The following CNTNAP2 variants were observed in gnomAD, a reference collection of about 807,000 sequenced individuals.
CNTNAP2 encodes the protein contactin-associated protein-like 2.
Under a neutral mutation model 155.2 loss-of-function variants are expected in CNTNAP2, and 98 were observed. The observed-to-expected ratio is 0.63, with a 90% CI of 0.54 to 0.75. The LOEUF (loss-of-function observed/expected upper bound fraction) is 0.75. Among genes scored for constraint, CNTNAP2 ranks in the 30% least tolerant of loss-of-function variants. CNTNAP2 has a pLI of 0.00. For missense variants in CNTNAP2, 1,727 were observed against 1,688.1 expected, an observed-to-expected ratio of 1.02 and a Z score of -0.40; for synonymous variants, 651 against 631.2, an observed-to-expected ratio of 1.03 and a Z score of -0.47.
intron 11 of CNTNAP2, among the ~76,000 whole-genome samples, chr7:147,503,191 T>C (rs1238863799): frequency 6.6e-6 from 1 of 152,190 alleles, no homozygotes; most frequent in African/African-American, 2.4e-5. Flanking sequence ...TTCTATTGAT[T>C]GCCAGTAATT....
At chr7:147,531,239 G>A (rs1799426124) in intron 11 of CNTNAP2, among the ~76,000 whole-genome samples, 1 of 152,282 alleles carries the variant, frequency 6.6e-6, no homozygotes, top group Admixed American at 6.5e-5. Context: ...GGGTCTGGAG[G>A]ATGGTGGCCC....
intron 13 of CNTNAP2, among the ~76,000 whole-genome samples, chr7:147,850,542 C>T (rs2116667162): frequency 6.6e-6 from 1 of 152,276 alleles, no homozygotes; most frequent in East Asian, 1.9e-4. Flanking sequence ...CTACAGTAAC[C>T]AAAACAGCAT....
chr7:147,101,297 G>A (rs928323623), intron 4 of CNTNAP2, among the ~76,000 whole-genome samples: 3 of 152,138 alleles, frequency 2.0e-5, no homozygotes, highest in East Asian at 1.9e-4. Context: ...GTTTTAAGAC[G>A]GGAGAGTTCC....
chr7:146,831,363 C>G (rs1051966027), intron 2 of CNTNAP2, among the ~76,000 whole-genome samples: 2 of 151,968 alleles, frequency 1.3e-5, no homozygotes, highest in Non-Finnish European at 2.9e-5. Context: ...GGGTTATAAT[C>G]TGAATTCGAA....
chr7:147,259,448 G>C (rs533085585), intron 8 of CNTNAP2, among the ~76,000 whole-genome samples: 4 of 151,842 alleles, frequency 2.6e-5, no homozygotes, highest in African/African-American at 9.7e-5. Context: ...ATATGACAAT[G>C]ACATCAAGAA....
At chr7:148,261,111 T>C (rs900052823) in intron 20 of CNTNAP2, among the ~76,000 whole-genome samples, 3 of 152,232 alleles carry the variant, frequency 2.0e-5, no homozygotes, top group Non-Finnish European at 4.4e-5. Context: ...AAGTTTCATC[T>C]CCTGCTTTCA....
At position 148,415,791 on chromosome 7, in the gene CNTNAP2, ACCTTTTT is replaced by A; in HGVS notation, c.*176_*182del. On this transcript the variant is annotated 3_prime_UTR_variant, in exon 24 of 24. Transcript: ENST00000361727. ...CTTGAGACTGATCACAAAAAAAAAA[ACCTTTTT>A]AATATTTCTTTATAGCTGAGTTTTC... The A allele has an allele frequency of 1.4e-6, 1 of 704,798 alleles. No individual in the cohort carries two copies. Among genetic ancestry groups the A allele is most frequent in the Non-Finnish European group, 2.3e-6 (1 of 430,062 alleles). The allele number at this position is 704,798 out of a possible 1,614,324, so 43.7% of individuals were successfully genotyped here. A position where few individuals can be genotyped will look rare whatever the true frequency, so the allele number is the denominator to read the frequency against.
intron 1 of CNTNAP2, among the ~76,000 whole-genome samples, chr7:146,319,997 C>G (rs1261907399): frequency 6.7e-6 from 1 of 149,162 alleles, no homozygotes; most frequent in Non-Finnish European, 1.5e-5. Flanking sequence ...TAACTGTCGC[C>G]CCCCCCACCC....
intron 18 of CNTNAP2, among the ~76,000 whole-genome samples, chr7:148,196,854 C>T (rs73474220): frequency 0.018 from 2,722 of 152,198 alleles, 100 homozygotes; most frequent in African/African-American, 0.063. Context: ...TTCAAAGAGG[C>T]ACATTGAGAT....
intron 9 of CNTNAP2, among the ~76,000 whole-genome samples, chr7:147,324,073 T>G (rs1795405827): frequency 6.6e-6 from 1 of 151,306 alleles, no homozygotes. Flanking sequence ...GAAGGTATAG[T>G]GTGTAGAATA....
At chr7:146,573,060 T>C (rs1563140372) in intron 1 of CNTNAP2, among the ~76,000 whole-genome samples, 1 of 152,202 alleles carries the variant, frequency 6.6e-6, no homozygotes, top group Non-Finnish European at 1.5e-5. Context: ...GTTATGCGTC[T>C]CTTTGGGTCC....
intron 13 of CNTNAP2, among the ~76,000 whole-genome samples, chr7:147,807,770 G>A (rs1584966316): frequency 6.6e-6 from 1 of 152,308 alleles, no homozygotes; most frequent in East Asian, 1.9e-4. Context: ...ACATGAGTGA[G>A]AGCTTCTAAT....
At chr7:146,989,707 A>G (rs951746738) in intron 3 of CNTNAP2, among the ~76,000 whole-genome samples, 1 of 152,048 alleles carries the variant, frequency 6.6e-6, no homozygotes, top group Non-Finnish European at 1.5e-5. Flanking sequence ...GATCTATCCA[A>G]TCCATCCCTT....
At chr7:146,346,723 A>C (rs1794823523) in intron 1 of CNTNAP2, among the ~76,000 whole-genome samples, 1 of 152,026 alleles carries the variant, frequency 6.6e-6, no homozygotes, top group South Asian at 2.1e-4. Context: ...AAAAAAAGAA[A>C]AAGAGAGACA....
chr7:148,057,302 A>G (rs2116504677), intron 15 of CNTNAP2, among the ~76,000 whole-genome samples: 1 of 152,300 alleles, frequency 6.6e-6, no homozygotes, highest in Non-Finnish European at 1.5e-5. Flanking sequence ...CCAGGTCTCC[A>G]TGAGGATCAA....
At chr7:146,261,179 G>A (rs1584833315) in intron 1 of CNTNAP2, among the ~76,000 whole-genome samples, 1 of 152,290 alleles carries the variant, frequency 6.6e-6, no homozygotes, top group East Asian at 1.9e-4. Flanking sequence ...ACATGGAACT[G>A]TGAGTCAATT....
chr7:148,149,555 G>C (rs917817687), intron 17 of CNTNAP2, among the ~76,000 whole-genome samples: 2 of 152,100 alleles, frequency 1.3e-5, no homozygotes, highest in Admixed American at 1.3e-4. Flanking sequence ...GTGCGTGTGT[G>C]TGTGTTTTGA....
chr7:146,878,370 G>T (rs1367738402), intron 3 of CNTNAP2, among the ~76,000 whole-genome samples: 1 of 150,982 alleles, frequency 6.6e-6, no homozygotes, highest in Non-Finnish European at 1.5e-5. Context: ...CATTTTGCTA[G>T]TCACTTAGGA....
At position 146,965,312 on chromosome 7, in the gene CNTNAP2, T is replaced by C. The variant is rs890783661; in HGVS notation, c.403-78595T>C. Among the ~76,000 whole-genome samples, 3 of 152,252 alleles carry C rather than the reference T, an allele frequency of 2.0e-5. No homozygotes were observed. In the East Asian group the frequency reaches 5.8e-4, roughly 29 times the overall value. On this transcript the variant is annotated intron_variant, in intron 3 of 23. Coordinates refer to ENST00000361727, the MANE Select transcript of CNTNAP2 (RefSeq NM_014141.6). ...ATCTCACAGTCTTTGGGCTGCTTTG[T>C]TCTTCTCTAAATGCAGAGTAACTAT...
Sources: allele counts gnomAD v4.1 joint callset (sites outside exome capture counted in the v4.1 genomes callset), GRCh38; gene constraint gnomAD v4.1.1; transcripts MANE v1.5; gene names NCBI Gene and HGNC (gene_info 2026-07-23, HGNC 2026-07-21).